Variants in TMEM52B observed in about 807,000 individuals in gnomAD.
The protein encoded by TMEM52B is chromosome 12 open reading frame 59.
In TMEM52B, 11 loss-of-function variants were observed where a neutral mutation model predicts 16.1. The ratio of observed to expected loss-of-function variants is 0.68; its 90% CI spans 0.43 to 1.13. The LOEUF (loss-of-function observed/expected upper bound fraction) is 1.13, where lower values mean the gene tolerates loss of function less well. Among genes scored for constraint, TMEM52B ranks in the 50% most tolerant of loss-of-function variants. The pLI is 0.00. For synonymous variants in TMEM52B, 101 were observed against 93.8 expected, an observed-to-expected ratio of 1.08 and a Z score of -0.45; for missense variants, 243 against 230.4, an observed-to-expected ratio of 1.05 and a Z score of -0.35.
At position 10,190,336 on chromosome 12, in the gene TMEM52B, T is replaced by C. The variant is rs1183843999; in HGVS notation, c.*196T>C. 25 of 720,308 alleles carry C rather than the reference T, an allele frequency of 3.5e-5. 1 individual carries two copies. In the East Asian group the frequency reaches 7.5e-4, roughly 22 times the overall value. The allele number at this position is 720,308 out of a possible 1,614,324, so 44.6% of individuals were successfully genotyped here. On this transcript the variant is annotated 3_prime_UTR_variant, in exon 5 of 5. Transcript: ENST00000543484. ...GAATGCTCTAATTGGGAACTCTAATTTTGTATCCAATGGCCAAAATCTGCA... is the reference window on the plus strand; with the variant it reads ...GAATGCTCTAATTGGGAACTCTAATCTTGTATCCAATGGCCAAAATCTGCA...
intron 1 of TMEM52B, among the ~76,000 whole-genome samples, chr12:10,173,341 G>T (rs932740809): frequency 1.3e-5 from 2 of 152,060 alleles, no homozygotes; most frequent in African/African-American, 4.8e-5. Context: ...CACAAAGGAA[G>T]AATGGAAAAA....
In TMEM52B at chr12:10,191,625, A is replaced by C. The variant is rs896798642; in HGVS notation, c.*1485A>C. 1.3e-5 allele frequency: 2 copies of C among 152,184 alleles called. No homozygotes were observed. The highest frequency in any genetic ancestry group is 2.9e-5 in the Non-Finnish European group (2 of 68,038). The allele number at this position is 152,184 out of a possible 1,614,324, so 9.4% of individuals were successfully genotyped here. On this transcript the variant is annotated 3_prime_UTR_variant, in exon 5 of 5. Coordinates refer to ENST00000543484, the MANE Select transcript of TMEM52B (RefSeq NM_001384896.1). ...CTAAATATATGTGGCATGATTTGTA[A>C]AGTGTTATGCATATGTATGTTATTC...
At chr12:10,186,245 GA>G (rs1243275776) in intron 3 of TMEM52B, among the ~76,000 whole-genome samples, 174 bp from the exon 4 acceptor site, 1 of 152,074 alleles carries the variant, frequency 6.6e-6, no homozygotes, top group Non-Finnish European at 1.5e-5. Context: ...ACAAAATAAG[GA>G]GGTGTATCTA....
upstream of TMEM52B, among the ~76,000 whole-genome samples, chr12:10,174,210 G>A (rs991068487): frequency 2.6e-5 from 4 of 152,014 alleles, no homozygotes; most frequent in East Asian, 1.9e-4. Context: ...ACAGGTGCCC[G>A]CCACCCCTCC....
At chr12:10,187,099 GTTTTTTTT>G (rs71049057) in intron 4 of TMEM52B, among the ~76,000 whole-genome samples, 4 of 82,180 alleles carry the variant, frequency 4.9e-5, no homozygotes, top group African/African-American at 9.9e-5. Flanking sequence ...TTCCATGACG[GTTTTTTTT>G]TTTTTTTTTT....
intron 4 of TMEM52B, among the ~76,000 whole-genome samples, chr12:10,188,492 G>C (rs1423966480): frequency 1.7e-4 from 1 of 5,876 alleles, no homozygotes; most frequent in Non-Finnish European, 4.0e-4. Context: ...AGAGAGAGAG[G>C]GAAGGAAGGA....
intron 2 of TMEM52B, among the ~76,000 whole-genome samples, chr12:10,184,523 C>T (rs1393720527): frequency 6.6e-6 from 1 of 152,132 alleles, no homozygotes; most frequent in African/African-American, 2.4e-5. Flanking sequence ...TTAGAGGACG[C>T]TCAGCTGTTG....
intron 1 of TMEM52B, among the ~76,000 whole-genome samples, chr12:10,180,022 A>G (rs942182712): frequency 6.6e-5 from 10 of 152,354 alleles, no homozygotes; most frequent in African/African-American, 2.4e-4. Context: ...ATCCTGTTCT[A>G]GCAGTTTAGG....
intron 1 of TMEM52B, chr12:10,182,332 C>T (rs1948834125): frequency 1.0e-6 from 1 of 985,358 alleles, no homozygotes; most frequent in Non-Finnish European, 1.2e-6. Context: ...ATCAACACAA[C>T]AGATGAGATA....
upstream of TMEM52B, among the ~76,000 whole-genome samples, chr12:10,175,042 T>C (rs1948755878): frequency 6.6e-6 from 1 of 152,176 alleles, no homozygotes; most frequent in Non-Finnish European, 1.5e-5. Flanking sequence ...TCTACAGTCC[T>C]TGTGTGGCAG....
intron 2 of TMEM52B, 108 bp downstream of exon 2, chr12:10,182,701 T>C (rs1591990076): frequency 8.7e-7 from 1 of 1,143,430 alleles, no homozygotes; most frequent in East Asian, 2.9e-5. Context: ...TTTATTTATT[T>C]TTACTTAAGT....
At chr12:10,175,396 A>G (rs7296800), upstream of TMEM52B, 80,991 of 151,826 alleles carry the variant, frequency 0.53, 22,450 homozygotes, top group Middle Eastern at 0.71. Flanking sequence ...TGAGAGTGCA[A>G]CCCAGCAGCC....
chr12:10,176,969 C>G (rs1232749725), upstream of TMEM52B, among the ~76,000 whole-genome samples: 3 of 152,140 alleles, frequency 2.0e-5, no homozygotes, highest in African/African-American at 7.2e-5. Context: ...GATGGGTTCC[C>G]TACGTACAGG....
rs113988825 is a variant in TMEM52B, at chr12:10,187,735, C to T, written c.307+1146C>T. Among the ~76,000 whole-genome samples the T allele has an allele frequency of 3.4e-3, 516 of 152,180 alleles. 3 individuals carry two copies. Among genetic ancestry groups the T allele is most frequent in the African/African-American group, 0.012 (500 of 41,528 alleles). ...CATAAGCCACTGTGCCTGGACTATG[C>T]TCTTTCCTAAAATTGAGGAGCAAGT... On this transcript the variant is annotated intron_variant, in intron 4 of 4. Transcript: ENST00000543484.
chr12:10,182,957 A>G (rs1390899696), intron 2 of TMEM52B, among the ~76,000 whole-genome samples: 2 of 152,322 alleles, frequency 1.3e-5, no homozygotes, highest in African/African-American at 2.4e-5. Context: ...GGTGATTTCC[A>G]AAGTAACATT....
upstream of TMEM52B, among the ~76,000 whole-genome samples, chr12:10,174,989 G>C (rs1014747609): frequency 6.6e-6 from 1 of 152,090 alleles, no homozygotes; most frequent in Non-Finnish European, 1.5e-5. Flanking sequence ...TCCATTGATG[G>C]ACGTTTGGGT....
chr12:10,178,642 A>AG (rs1176479771), upstream of TMEM52B, among the ~76,000 whole-genome samples: 69 of 86,794 alleles, frequency 7.9e-4, no homozygotes, highest in Non-Finnish European at 1.2e-3. Flanking sequence ...CTCCTTAACC[A>AG]AAGAGAGAGA....
Position 10,187,820 on chromosome 12 carries a change from T to C in TMEM52B, c.307+1231T>C, listed in dbSNP as rs184832384. Among the ~76,000 whole-genome samples the C allele has an allele frequency of 3.8e-3, 574 of 152,198 alleles. 6 individuals carry two copies. The highest frequency in any genetic ancestry group is 0.013 in the African/African-American group (544 of 41,546). ...TTTATTTTGAAAAGAGAGTGATGGC[T>C]GGGCGCAGTGGCTCATGCCTGTAAT... is the stretch of plus-strand genomic sequence containing the variant. On this transcript the variant is annotated intron_variant, in intron 4 of 4. Coordinates refer to ENST00000543484, the MANE Select transcript of TMEM52B (RefSeq NM_001384896.1).
intron 4 of TMEM52B, among the ~76,000 whole-genome samples, chr12:10,188,128 A>G (rs924837554): frequency 6.6e-6 from 1 of 151,966 alleles, no homozygotes; most frequent in Non-Finnish European, 1.5e-5. Flanking sequence ...ACAAAATAGA[A>G]TGATATGATG....
Sources: allele counts gnomAD v4.1 joint callset (sites outside exome capture counted in the v4.1 genomes callset), GRCh38; gene constraint gnomAD v4.1.1; transcripts MANE v1.5; gene names NCBI Gene and HGNC (gene_info 2026-07-23, HGNC 2026-07-21).